UBE4B: variants seen among roughly 807,000 people sequenced by gnomAD.
The protein encoded by UBE4B is ubiquitin conjugation factor E4 B.
UBE4B carries 27 observed loss-of-function variants against 148.1 expected under a neutral mutation model. That is an observed-to-expected ratio of 0.18 (90% CI 0.13 to 0.25). The LOEUF (loss-of-function observed/expected upper bound fraction) is 0.25. Ranked by LOEUF, UBE4B falls within the 10% of genes least tolerant of loss-of-function variation. The pLI is 1.00. For synonymous variants in UBE4B, 596 were observed against 619.3 expected, an observed-to-expected ratio of 0.96 and a Z score of 0.56; for missense variants, 1,170 against 1,662.4, an observed-to-expected ratio of 0.70 and a Z score of 5.15.
At position 10,036,502 on chromosome 1, in the gene UBE4B, CT is replaced by C. The variant is rs369471209; in HGVS notation, c.24+2820del. Among the ~76,000 whole-genome samples, 951 of 144,186 alleles carry C rather than the reference CT, an allele frequency of 6.6e-3. 9 individuals carry two copies. The highest frequency in any genetic ancestry group is 0.021 in the South Asian group (99 of 4,614). The allele number at this position is 144,186 out of a possible 152,430, so 94.6% of individuals were successfully genotyped here. On this transcript the variant is annotated intron_variant, in intron 1 of 27. Transcript: ENST00000343090. ...TTCGTTTGTTTTTAATTTAAAAAAT[CT>C]TTTTTTTTTTTGTAGAGACGGGGGT... is the stretch of plus-strand genomic sequence containing the variant.
intron 7 of UBE4B, chr1:10,107,493 C>A: frequency 5.3e-6 from 6 of 1,126,176 alleles, no homozygotes; most frequent in Non-Finnish European, 6.8e-6. Flanking sequence ...ATGAGGTGGG[C>A]TCCAGAGTAT....
chr1:10,126,426 T>C (rs1238460144), intron 10 of UBE4B, among the ~76,000 whole-genome samples: 2 of 152,228 alleles, frequency 1.3e-5, no homozygotes, highest in East Asian at 1.9e-4. Context: ...CAAGAACATA[T>C]TAGTTGCTGA....
At chr1:10,139,090 T>C (rs990396956) in intron 17 of UBE4B, among the ~76,000 whole-genome samples, 3 of 152,268 alleles carry the variant, frequency 2.0e-5, no homozygotes, top group African/African-American at 7.2e-5. Flanking sequence ...ATCAAGGTTA[T>C]GCTGCCTTAT....
chr1:10,161,416 T>G lies in UBE4B; in HGVS notation c.3198+130T>G. On this transcript the variant is annotated intron_variant, in intron 23 of 27. Transcript: ENST00000343090. This position sits in a 1 kb window ranked among gnomAD's most constrained non-coding sequence, Gnocchi z 4.1. ...CTGACATGCTGGGATTTTCCTTCCA[T>G]GAAATCATATTGCAGGATTGGAATA... 1 of 1,092,330 alleles carries G rather than the reference T, an allele frequency of 9.2e-7. No individual in the cohort carries two copies. Among genetic ancestry groups the G allele is most frequent in the Non-Finnish European group, 1.3e-6 (1 of 795,594 alleles). The allele number at this position is 1,092,330 out of a possible 1,614,324, so 67.7% of individuals were successfully genotyped here. A position where few individuals can be genotyped will look rare whatever the true frequency, so the allele number is the denominator to read the frequency against.
intron 12 of UBE4B, among the ~76,000 whole-genome samples, 183 bp downstream of exon 12, chr1:10,129,631 A>G (rs545463426): frequency 8.5e-5 from 13 of 152,070 alleles, no homozygotes; most frequent in Non-Finnish European, 1.8e-4. Flanking sequence ...CCTGCATTAC[A>G]GTTGTTCATT....
chr1:10,155,179 G>C (rs955416120), intron 21 of UBE4B, among the ~76,000 whole-genome samples: 2 of 151,998 alleles, frequency 1.3e-5, no homozygotes, highest in African/African-American at 4.8e-5. Context: ...GCCTAGTGGA[G>C]TCCTGCTGGG....
intron 18 of UBE4B, chr1:10,145,688 C>T (rs1276910596): frequency 6.6e-6 from 1 of 152,252 alleles, no homozygotes; most frequent in African/African-American, 2.4e-5. Flanking sequence ...CACCCCTCGC[C>T]CCAACACTCA....
At chr1:10,132,864 G>T (rs1253406318) in intron 15 of UBE4B, among the ~76,000 whole-genome samples, 1 of 152,190 alleles carries the variant, frequency 6.6e-6, no homozygotes, top group Admixed American at 6.5e-5. Context: ...ATGTGGAAAC[G>T]AAGCAGCTTT....
chr1:10,076,841 G>C (rs919616752), intron 2 of UBE4B, among the ~76,000 whole-genome samples: 1 of 148,866 alleles, frequency 6.7e-6, no homozygotes, highest in Non-Finnish European at 1.5e-5. Flanking sequence ...CCACCTTCTG[G>C]TTTCAAGCTA....
At chr1:10,108,288 C>T (rs1300427355) in intron 7 of UBE4B, among the ~76,000 whole-genome samples, 2 of 151,254 alleles carry the variant, frequency 1.3e-5, no homozygotes, top group Non-Finnish European at 2.9e-5. Flanking sequence ...ATAACTGTGA[C>T]TTTGCTTTCA....
At chr1:10,164,490 T>C (rs908934269) in intron 23 of UBE4B, among the ~76,000 whole-genome samples, 2 of 152,180 alleles carry the variant, frequency 1.3e-5, no homozygotes, top group African/African-American at 4.8e-5. Flanking sequence ...GCTGGGATTA[T>C]AGTTGTGAGC....
rs1643383151 is a variant in UBE4B, at chr1:10,033,568, G to A, written c.-103G>A. On this transcript the variant is annotated 5_prime_UTR_variant, in exon 1 of 28. Coordinates refer to ENST00000343090, the MANE Select transcript of UBE4B (RefSeq NM_001105562.3). Reference sequence around the variant, plus strand: ...ATTCTGAAACCTCCCCCATTCGGGGGACCAGACAGCCTGATAGACACCTTC... The same window carrying A: ...ATTCTGAAACCTCCCCCATTCGGGGAACCAGACAGCCTGATAGACACCTTC... 6.0e-6 allele frequency: 8 copies of A among 1,341,638 alleles called. No individual in the cohort carries two copies. Among genetic ancestry groups the A allele is most frequent in the South Asian group, 3.6e-5 (2 of 54,878 alleles). The allele number at this position is 1,341,638 out of a possible 1,614,324, so 83.1% of individuals were successfully genotyped here. A position where few individuals can be genotyped will look rare whatever the true frequency, so the allele number is the denominator to read the frequency against.
chr1:10,137,442 T>G (rs978508304), intron 17 of UBE4B, among the ~76,000 whole-genome samples: 2 of 152,190 alleles, frequency 1.3e-5, no homozygotes, highest in Non-Finnish European at 2.9e-5. Context: ...TCACTCTGTT[T>G]ATGGTTACTA....
chr1:10,126,884 C>G lies in UBE4B; in HGVS notation c.1638+7C>G. 3 of 1,611,086 alleles carry G rather than the reference C, an allele frequency of 1.9e-6. No homozygotes were observed. Among genetic ancestry groups the G allele is most frequent in the Non-Finnish European group, 2.5e-6 (3 of 1,177,720 alleles). On this transcript the variant is annotated splice_region_variant and intron_variant, in intron 11 of 27. Coordinates refer to ENST00000343090, the MANE Select transcript of UBE4B (RefSeq NM_001105562.3). Reference sequence around the variant, plus strand: ...CTTTAAATACCCCCTCATGGTAAAACTTTGTTCTTTTTCTTTAACTCATTC... The same window carrying G: ...CTTTAAATACCCCCTCATGGTAAAAGTTTGTTCTTTTTCTTTAACTCATTC...
intron 20 of UBE4B, among the ~76,000 whole-genome samples, chr1:10,150,400 C>T (rs951564720): frequency 2.0e-5 from 3 of 151,984 alleles, no homozygotes; most frequent in Admixed American, 6.6e-5. Flanking sequence ...TTCATTTATT[C>T]TCATTTTCAG....
At chr1:10,121,324 C>T (rs1253811270) in intron 9 of UBE4B, among the ~76,000 whole-genome samples, 1 of 152,166 alleles carries the variant, frequency 6.6e-6, no homozygotes, top group East Asian at 1.9e-4. Flanking sequence ...CACCATACTC[C>T]AGCCTGGGCA....
At chr1:10,169,612 T>A (rs961678429) in intron 24 of UBE4B, among the ~76,000 whole-genome samples, 1 of 152,248 alleles carries the variant, frequency 6.6e-6, no homozygotes, top group African/African-American at 2.4e-5. Flanking sequence ...GTTTGCAGAA[T>A]TCTGTGAAGG....
chr1:10,175,234 G>A (rs1646399648), intron 25 of UBE4B, among the ~76,000 whole-genome samples: 1 of 152,148 alleles, frequency 6.6e-6, no homozygotes, highest in African/African-American at 2.4e-5. Context: ...AAGTGGCCTA[G>A]ACTGTGTCTT....
intron 1 of UBE4B, among the ~76,000 whole-genome samples, chr1:10,036,126 A>C (rs1050055634): frequency 7.1e-6 from 1 of 141,394 alleles, no homozygotes; most frequent in Non-Finnish European, 1.5e-5. Flanking sequence ...TCCTTGGTTT[A>C]GAGGCTTTTG....
Sources: gnomAD v4.1 joint callset for allele counts (sites outside exome capture counted in the v4.1 genomes callset) on GRCh38, gnomAD v4.1.1 for gene constraint, Gnocchi (gnomAD v3.1) non-coding constraint, MANE v1.5 for transcripts, NCBI Gene and HGNC (gene_info 2026-07-23, HGNC 2026-07-21) for gene names.